ZNF366: variants seen among roughly 807,000 people sequenced by gnomAD.
The protein encoded by ZNF366 is zinc finger protein 366, also known as dendritic cell-specific transcript protein.
In ZNF366, 20 loss-of-function variants were observed where a neutral mutation model predicts 47.2. The observed-to-expected ratio is 0.42, with a 90% confidence interval of 0.30 to 0.62. The LOEUF (loss-of-function observed/expected upper bound fraction) is 0.62, where lower values mean the gene tolerates loss of function less well. ZNF366 is among the 20% of genes least tolerant of loss of function. The pLI is 0.16. For synonymous variants in ZNF366, 421 were observed against 395.1 expected (o/e 1.07, Z -0.78); for missense variants, 987 against 976.3 (o/e 1.01, Z -0.15).
intron 1 of ZNF366, among the ~76,000 whole-genome samples, chr5:72,461,903 A>G (rs1351857376): frequency 2.0e-5 from 3 of 152,254 alleles, no homozygotes; most frequent in Non-Finnish European, 4.4e-5. Context: ...CTCAAGTTAC[A>G]TAGGTACTCA....
chr5:72,488,030 A>AC (rs1445842368), intron 1 of ZNF366, among the ~76,000 whole-genome samples: 4 of 151,356 alleles, frequency 2.6e-5, no homozygotes, highest in African/African-American at 9.7e-5. Flanking sequence ...ACATGGTAAA[A>AC]CCCCCTCCCT....
At chr5:72,473,704 A>T (rs985089265) in intron 1 of ZNF366, among the ~76,000 whole-genome samples, 7 of 152,156 alleles carry the variant, frequency 4.6e-5, no homozygotes, top group Non-Finnish European at 1.5e-5. Context: ...CTTGTTTCAA[A>T]TCCTATGACA....
rs773798423 is a variant in ZNF366 at position 72,443,969 on chromosome 5, T to C, written c.2022A>G (p.Glu674=). 4 of 1,614,046 alleles carry C rather than the reference T, an allele frequency of 2.5e-6. No individual in the cohort carries two copies. Among genetic ancestry groups the C allele is most frequent in the Admixed American group, 3.3e-5 (2 of 60,000 alleles). The change falls in exon 5 of 5, where the codon GAA becomes GAG. Residue 674 remains glutamate, a synonymous_variant. Coordinates refer to ENST00000318442, the MANE Select transcript of ZNF366 (RefSeq NM_152625.3). ...KEEKEDASKG[E]WEKRSKGDLG... ...GGTCACCCTTGCTCCTCTTCTCCCA[T>C]TCTCCCTTGGATGCATCCTCCTTCT... is the stretch of plus-strand genomic sequence containing the variant.
chr5:72,452,059 C>T (rs962704689), intron 3 of ZNF366, among the ~76,000 whole-genome samples: 5 of 152,304 alleles, frequency 3.3e-5, no homozygotes, highest in East Asian at 1.9e-4. Context: ...AGCAGCACAC[C>T]GCCTCGCCCC....
At chr5:72,506,359 C>A (rs977040748) in intron 1 of ZNF366, among the ~76,000 whole-genome samples, 2 of 152,142 alleles carry the variant, frequency 1.3e-5, no homozygotes, top group Admixed American at 6.5e-5. Context: ...GTAACATTAT[C>A]CTTTATGACT....
chr5:72,472,580 T>A (rs1335732772), intron 1 of ZNF366: 1 of 985,002 alleles, frequency 1.0e-6, no homozygotes, highest in Non-Finnish European at 1.2e-6. Context: ...TAAGTATAAG[T>A]CCAAAAATGA....
chr5:72,486,626 A>G (rs1414276786), intron 1 of ZNF366, among the ~76,000 whole-genome samples: 1 of 152,236 alleles, frequency 6.6e-6, no homozygotes, highest in Non-Finnish European at 1.5e-5. Flanking sequence ...AGGAAAGGAC[A>G]GGAGACCTCT....
intron 1 of ZNF366, among the ~76,000 whole-genome samples, chr5:72,491,375 T>C (rs931364358): frequency 6.6e-6 from 1 of 152,226 alleles, no homozygotes; most frequent in African/African-American, 2.4e-5. Context: ...AAAGGGAAAC[T>C]AACAATTATT....
Position 72,456,466 on chromosome 5 carries a change from G to A in ZNF366, c.1462C>T (p.Gln488Ter). 1.2e-6 allele frequency: 2 copies of A among 1,613,918 alleles called. No individual in the cohort carries two copies. The highest frequency in any genetic ancestry group is 1.7e-6 in the Non-Finnish European group (2 of 1,179,816). Residue 488 changes from glutamine (Q) to a stop codon, truncating the protein, a stop_gained, in exon 3 of 5, where the codon CAG (glutamine) becomes TAG (stop). Coordinates refer to ENST00000318442, the MANE Select transcript of ZNF366 (RefSeq NM_152625.3). LOFTEE classifies it high-confidence loss of function. The stretch of plus-strand genomic sequence containing the variant: ...ATGTGTGCCTTGAGGGTCTGCTTCT[G>A]CACGAAGCTCTTGTAGCAGAGGTGA... Reference protein sequence around the residue: ...QCHLCYKSFVQKQTLKAHMIV... With the variant: ...QCHLCYKSFV
intron 3 of ZNF366, among the ~76,000 whole-genome samples, chr5:72,448,077 A>ATGTATTATTATAATACAC (rs1166524652): frequency 6.6e-6 from 1 of 152,218 alleles, no homozygotes; most frequent in Non-Finnish European, 1.5e-5. Context: ...CTTATATACA[A>ATGTATTATTATAATACAC]TGTATTATTA....
intron 1 of ZNF366, among the ~76,000 whole-genome samples, chr5:72,489,772 G>A (rs1429855401): frequency 6.6e-6 from 1 of 152,238 alleles, no homozygotes; most frequent in African/African-American, 2.4e-5. Flanking sequence ...CATGGGAAGA[G>A]AACCTTCTCT....
chr5:72,488,043 T>C (rs1743926321), intron 1 of ZNF366, among the ~76,000 whole-genome samples: 4 of 151,860 alleles, frequency 2.6e-5, no homozygotes, highest in Non-Finnish European at 4.4e-5. Context: ...CCCTCCCTAC[T>C]AAAAATACAA....
At chr5:72,462,116 C>T (rs1037058705) in intron 1 of ZNF366, among the ~76,000 whole-genome samples, 6 of 152,154 alleles carry the variant, frequency 3.9e-5, no homozygotes, top group Non-Finnish European at 8.8e-5. Context: ...GATGTTAATG[C>T]TTAACTCAGA....
At chr5:72,491,114 G>T (rs1047119820) in intron 1 of ZNF366, among the ~76,000 whole-genome samples, 1 of 152,314 alleles carries the variant, frequency 6.6e-6, no homozygotes, top group African/African-American at 2.4e-5. Context: ...ACTATATGGG[G>T]TAGGGATTGG....
At chr5:72,490,055 T>G (rs1743973911) in intron 1 of ZNF366, among the ~76,000 whole-genome samples, 2 of 152,168 alleles carry the variant, frequency 1.3e-5, no homozygotes. Flanking sequence ...GATGAAGAGG[T>G]TAGAGCTTGA....
Position 72,476,234 on chromosome 5 carries a change from T to C in ZNF366, c.-14-14724A>G, listed in dbSNP as rs1580245788. Reference sequence around the variant, plus strand: ...CACACGAGAATCACTTTGGAAGTTTTAAACATACAATGCCCCCTCCCTTAA... The same window carrying C: ...CACACGAGAATCACTTTGGAAGTTTCAAACATACAATGCCCCCTCCCTTAA... On this transcript the variant is annotated intron_variant, in intron 1 of 4. Transcript: ENST00000318442. 2.0e-5 allele frequency among the ~76,000 whole-genome samples: 3 copies of C among 152,288 alleles called. No homozygotes were observed. In the South Asian group the frequency reaches 6.2e-4, roughly 32 times the overall value.
chr5:72,481,755 G>A (rs1743793887), intron 1 of ZNF366, among the ~76,000 whole-genome samples: 2 of 152,038 alleles, frequency 1.3e-5, no homozygotes, highest in African/African-American at 2.4e-5. Context: ...AACAATTCTA[G>A]GTTTATTGAG....
At chr5:72,478,055 C>T (rs984153674) in intron 1 of ZNF366, among the ~76,000 whole-genome samples, 2 of 152,024 alleles carry the variant, frequency 1.3e-5, no homozygotes, top group African/African-American at 2.4e-5. Context: ...TCCAGCAACA[C>T]TCTCAAAGTT....
At chr5:72,502,263 T>G (rs778838662) in intron 1 of ZNF366, among the ~76,000 whole-genome samples, 42 of 152,268 alleles carry the variant, frequency 2.8e-4, no homozygotes, top group Admixed American at 1.8e-3. Context: ...CACATAACGC[T>G]GGATGAAGAC....
Sources: gnomAD v4.1 joint callset for allele counts (sites outside exome capture counted in the v4.1 genomes callset) on GRCh38, gnomAD v4.1.1 for gene constraint, MANE v1.5 for transcripts, NCBI Gene and HGNC (gene_info 2026-07-23, HGNC 2026-07-21) for gene names.